Variants in ERC2 observed in about 807,000 individuals in gnomAD.
ERC2 encodes ELKS/RAB6-interacting/CAST family member 2.
In ERC2, 42 loss-of-function variants were observed where a neutral mutation model predicts 114.8. The observed-to-expected ratio is 0.37, with a 90% CI of 0.29 to 0.47. The LOEUF (loss-of-function observed/expected upper bound fraction) is 0.47. Among genes scored for constraint, ERC2 ranks in the 20% least tolerant of loss-of-function variants. The probability of loss-of-function intolerance (pLI) is 0.99; values close to 1 mark genes in which losing one functional copy is unlikely to be tolerated. For missense variants in ERC2, 939 were observed against 1,150.7 expected (o/e 0.82, Z 2.66); for synonymous variants, 454 against 425.5 (o/e 1.07, Z -0.82).
chr3:56,099,040 G>T (rs988816094), intron 6 of ERC2, among the ~76,000 whole-genome samples: 1 of 152,148 alleles, frequency 6.6e-6, no homozygotes, highest in East Asian at 1.9e-4. Context: ...CTCAAAATTA[G>T]ATCATCCTGG....
chr3:55,913,998 T>C (rs1186945097), intron 13 of ERC2, among the ~76,000 whole-genome samples: 1 of 146,898 alleles, frequency 6.8e-6, no homozygotes, highest in African/African-American at 2.5e-5. Flanking sequence ...ACTAATAAAA[T>C]ATTCTTGCCC....
At chr3:55,978,743 A>G (rs1220916490) in intron 12 of ERC2, among the ~76,000 whole-genome samples, 1 of 152,244 alleles carries the variant, frequency 6.6e-6, no homozygotes, top group East Asian at 1.9e-4. Flanking sequence ...CCCAAGTGCT[A>G]TAGCAATGAT....
chr3:56,128,086 A>T (rs1377386597), intron 6 of ERC2, among the ~76,000 whole-genome samples: 2 of 151,386 alleles, frequency 1.3e-5, no homozygotes, highest in African/African-American at 2.4e-5. Context: ...AAATAAATAA[A>T]TTTTTAAATT....
intron 2 of ERC2, among the ~76,000 whole-genome samples, chr3:56,370,181 A>G (rs964934729): frequency 4.6e-5 from 7 of 152,220 alleles, no homozygotes; most frequent in Admixed American, 3.9e-4. Context: ...CTCATTCTTT[A>G]TGCAAACAAT....
At chr3:56,286,127 T>C (rs1457143159) in intron 3 of ERC2, among the ~76,000 whole-genome samples, 2 of 151,962 alleles carry the variant, frequency 1.3e-5, no homozygotes, top group Non-Finnish European at 2.9e-5. Flanking sequence ...GAAAGAAAAA[T>C]AGGTGGCCGG....
In ERC2 at chr3:56,070,040, T is replaced by C. The variant is rs770623784; in HGVS notation, c.1641+10777A>G. ...ACACATTACCCTTACTTTACATTTA[T>C]ACTTATGGGAAACTAAAACAGGTAT... is the stretch of plus-strand genomic sequence containing the variant. On this transcript the variant is annotated intron_variant, in intron 7 of 17. Coordinates refer to ENST00000288221, the MANE Select transcript of ERC2 (RefSeq NM_015576.3). 5.3e-4 allele frequency among the ~76,000 whole-genome samples: 80 copies of C among 152,342 alleles called. 1 individual carries two copies. Among genetic ancestry groups the C allele is most frequent in the Admixed American group, 3.9e-4 (6 of 15,300 alleles).
At chr3:55,892,972 G>C (rs2063682121) in intron 13 of ERC2, among the ~76,000 whole-genome samples, 2 of 152,026 alleles carry the variant, frequency 1.3e-5, no homozygotes, top group African/African-American at 4.8e-5. Flanking sequence ...GAAATGATTA[G>C]GTCATGGGCG....
chr3:56,349,548 A>C (rs1369250050), intron 2 of ERC2, among the ~76,000 whole-genome samples: 2 of 152,190 alleles, frequency 1.3e-5, no homozygotes, highest in African/African-American at 2.4e-5. Context: ...GAAAAGTCTA[A>C]AGGGAACAAT....
chr3:56,196,267 A>G (rs2048096239), intron 3 of ERC2, among the ~76,000 whole-genome samples: 1 of 152,180 alleles, frequency 6.6e-6, no homozygotes. Flanking sequence ...AGACAAAGTT[A>G]GAAAACCATC....
chr3:55,662,681 T>C (rs1191906694), intron 17 of ERC2, among the ~76,000 whole-genome samples: 2 of 152,204 alleles, frequency 1.3e-5, no homozygotes, highest in Non-Finnish European at 2.9e-5. Flanking sequence ...AATTGAGTCA[T>C]GAATGTAGAT....
At chr3:55,529,975 G>A (rs2053568010) in intron 17 of ERC2, among the ~76,000 whole-genome samples, 1 of 152,146 alleles carries the variant, frequency 6.6e-6, no homozygotes, top group African/African-American at 2.4e-5. Flanking sequence ...TAGGTCATTG[G>A]TCTAGATGGA....
At chr3:56,003,329 T>G (rs1224362549) in intron 10 of ERC2, among the ~76,000 whole-genome samples, 1 of 152,110 alleles carries the variant, frequency 6.6e-6, no homozygotes, top group Non-Finnish European at 1.5e-5. Flanking sequence ...TGACTTTGGC[T>G]CCTAAAAAAG....
At chr3:56,139,203 C>T (rs916135632) in intron 6 of ERC2, among the ~76,000 whole-genome samples, 2 of 152,162 alleles carry the variant, frequency 1.3e-5, no homozygotes, top group Non-Finnish European at 2.9e-5. Context: ...TTTGGTGGCA[C>T]AACTTGACAC....
intron 17 of ERC2, among the ~76,000 whole-genome samples, chr3:55,619,738 A>C (rs1050557051): frequency 1.8e-4 from 27 of 152,188 alleles, no homozygotes; most frequent in African/African-American, 6.0e-4. Flanking sequence ...AGACCTCCTT[A>C]CCAACAAAGC....
In ERC2 at chr3:56,012,783, G is replaced by A. The variant is rs144788977; in HGVS notation, c.1780-2194C>T. On this transcript the variant is annotated intron_variant, in intron 8 of 17. Coordinates refer to ENST00000288221, the MANE Select transcript of ERC2 (RefSeq NM_015576.3). Reference sequence around the variant, plus strand: ...CACAAAACCAATTTAACTGTCAGCCGCGCAGGGCCAGATGTCAAAAACATG... The same window carrying A: ...CACAAAACCAATTTAACTGTCAGCCACGCAGGGCCAGATGTCAAAAACATG... 2.2e-3 allele frequency among the ~76,000 whole-genome samples: 330 copies of A among 152,252 alleles called. 2 individuals are homozygous for A. Among genetic ancestry groups the A allele is most frequent in the African/African-American group, 7.6e-3 (315 of 41,560 alleles).
intron 3 of ERC2, among the ~76,000 whole-genome samples, chr3:56,250,101 C>T (rs2052041016): frequency 6.6e-6 from 1 of 152,154 alleles, no homozygotes; most frequent in Admixed American, 6.5e-5. Flanking sequence ...TGTGATCCAC[C>T]TGCCTCCGCC....
At chr3:55,998,493 G>C (rs1211820606) in intron 10 of ERC2, among the ~76,000 whole-genome samples, 1 of 152,106 alleles carries the variant, frequency 6.6e-6, no homozygotes, top group Non-Finnish European at 1.5e-5. Context: ...ATCAATTATA[G>C]GGTATGTGTT....
At chr3:55,830,146 C>G (rs568231182) in intron 14 of ERC2, among the ~76,000 whole-genome samples, 3 of 152,308 alleles carry the variant, frequency 2.0e-5, no homozygotes, top group South Asian at 2.1e-4. Flanking sequence ...CTGTGTACCT[C>G]TCTCAGAAAT....
intron 14 of ERC2, among the ~76,000 whole-genome samples, chr3:55,851,150 T>C (rs1319812323): frequency 7.1e-6 from 1 of 140,754 alleles, no homozygotes; most frequent in Non-Finnish European, 1.6e-5. Flanking sequence ...GAAAACTTAC[T>C]TCCATCTCTA....
Sources: gnomAD v4.1 joint callset for allele counts (sites outside exome capture counted in the v4.1 genomes callset) on GRCh38, gnomAD v4.1.1 for gene constraint, MANE v1.5 for transcripts, NCBI Gene and HGNC (gene_info 2026-07-23, HGNC 2026-07-21) for gene names.